Variants in PIP5K1B observed in about 807,000 individuals in gnomAD.
The protein encoded by PIP5K1B is phosphatidylinositol-4-phosphate 5-kinase type 1 beta.
PIP5K1B carries 42 observed loss-of-function variants against 67.0 expected under a neutral mutation model. The ratio of observed to expected loss-of-function variants is 0.63; its 90% CI spans 0.49 to 0.81. PIP5K1B has a LOEUF of 0.81. Among genes scored for constraint, PIP5K1B ranks in the 30% least tolerant of loss-of-function variants. PIP5K1B has a pLI of 0.00. For synonymous variants in PIP5K1B, 214 were observed against 231.4 expected, an observed-to-expected ratio of 0.92 and a Z score of 0.68; for missense variants, 459 against 646.3, an observed-to-expected ratio of 0.71 and a Z score of 3.14.
chr9:68,735,314 G>GTTTTTTTTTTTTTTTT (rs1335685051), intron 1 of PIP5K1B, among the ~76,000 whole-genome samples: 1 of 16,580 alleles, frequency 6.0e-5, no homozygotes, highest in Non-Finnish European at 1.3e-4. Flanking sequence ...TTCCCCTAGT[G>GTTTTTTTTTTTTTTTT]TCTTTTTTTT....
chr9:68,749,879 C>G (rs996630724), intron 2 of PIP5K1B, among the ~76,000 whole-genome samples: 10 of 152,176 alleles, frequency 6.6e-5, no homozygotes, highest in African/African-American at 2.4e-4. Context: ...AAACTACACC[C>G]TGTTGAGAAA....
chr9:68,801,287 AC>A (rs1452908736), intron 2 of PIP5K1B, among the ~76,000 whole-genome samples: 3 of 152,196 alleles, frequency 2.0e-5, no homozygotes, highest in African/African-American at 7.2e-5. Flanking sequence ...TTCCAGGGAT[AC>A]TTAGCGGTAT....
chr9:68,912,688 G>A (rs1701468271), intron 8 of PIP5K1B, among the ~76,000 whole-genome samples: 1 of 152,122 alleles, frequency 6.6e-6, no homozygotes, highest in African/African-American at 2.4e-5. Context: ...AGCAAGTGGG[G>A]GAGCCATGAG....
intron 1 of PIP5K1B, among the ~76,000 whole-genome samples, chr9:68,731,244 C>A (rs1042632731): frequency 1.5e-4 from 23 of 152,196 alleles, no homozygotes; most frequent in African/African-American, 4.8e-4. Flanking sequence ...AATATGATTT[C>A]TGGTATCCCT....
chr9:68,974,827 T>C (rs996130927), intron 14 of PIP5K1B, among the ~76,000 whole-genome samples: 1 of 152,246 alleles, frequency 6.6e-6, no homozygotes, highest in African/African-American at 2.4e-5. Context: ...ATATTATTTT[T>C]TCAGCAGCTT....
chr9:68,749,076 A>G (rs377728484), intron 2 of PIP5K1B, among the ~76,000 whole-genome samples: 1 of 152,214 alleles, frequency 6.6e-6, no homozygotes, highest in African/African-American at 2.4e-5. Context: ...AATGAGAATA[A>G]TAATATCTAC....
chr9:68,769,203 C>G (rs140974662), intron 2 of PIP5K1B, among the ~76,000 whole-genome samples: 1 of 152,164 alleles, frequency 6.6e-6, no homozygotes, highest in Admixed American at 6.5e-5. Context: ...TGCATTCTTT[C>G]TTTTGAATTC....
At chr9:68,898,945 T>C (rs1324088632) in intron 8 of PIP5K1B, among the ~76,000 whole-genome samples, 2 of 152,180 alleles carry the variant, frequency 1.3e-5, no homozygotes, top group Non-Finnish European at 2.9e-5. Context: ...GACTTAACAC[T>C]CTCTGGCCAA....
At chr9:68,981,322 A>T (rs1447564372) in intron 14 of PIP5K1B, among the ~76,000 whole-genome samples, 3 of 152,238 alleles carry the variant, frequency 2.0e-5, no homozygotes, top group African/African-American at 7.2e-5. Context: ...ACAGGGTAGA[A>T]GAGGGTAAAT....
chr9:68,971,715 T>C (rs1829380561), intron 14 of PIP5K1B, among the ~76,000 whole-genome samples: 1 of 152,242 alleles, frequency 6.6e-6, no homozygotes, highest in Non-Finnish European at 1.5e-5. Context: ...TATCTCATTG[T>C]GGTTTTGATT....
At chr9:68,778,798 C>A (rs565116903) in intron 2 of PIP5K1B, among the ~76,000 whole-genome samples, 7 of 152,336 alleles carry the variant, frequency 4.6e-5, no homozygotes, top group African/African-American at 1.4e-4. Context: ...CTAACACTCC[C>A]GCTCTTATGC....
chr9:68,925,690 A>G (rs1311575676), intron 12 of PIP5K1B, among the ~76,000 whole-genome samples: 9 of 152,016 alleles, frequency 5.9e-5, no homozygotes, highest in Non-Finnish European at 1.2e-4. Flanking sequence ...TGTCAAATTG[A>G]CATCACCGTA....
chr9:68,729,643 G>T (rs1288223216), intron 1 of PIP5K1B, among the ~76,000 whole-genome samples: 1 of 152,036 alleles, frequency 6.6e-6, no homozygotes, highest in Non-Finnish European at 1.5e-5. Flanking sequence ...ATGGCCAAAG[G>T]TTAGGTACTA....
chr9:68,762,865 C>T (rs1564115489), intron 2 of PIP5K1B, among the ~76,000 whole-genome samples: 1 of 152,118 alleles, frequency 6.6e-6, no homozygotes, highest in Non-Finnish European at 1.5e-5. Context: ...AGCTCCCATA[C>T]TGTACAACTC....
rs549387593 is a variant in PIP5K1B at position 68,721,106 on chromosome 9, C to T, written c.-243+15344C>T. On this transcript the variant is annotated intron_variant, in intron 1 of 15. Transcript: ENST00000265382. ...ATAAGATAGGGCTGGAGAGGTGTAT[C>T]GGGCCAGACCATCGACATCTTGTCA... 3.9e-5 allele frequency among the ~76,000 whole-genome samples: 6 copies of T among 152,186 alleles called. No individual in the cohort carries two copies. The South Asian group carries it at 1.0e-3, about 26-fold the overall frequency.
At chr9:68,847,301 T>C (rs895667772) in intron 4 of PIP5K1B, among the ~76,000 whole-genome samples, 1 of 151,374 alleles carries the variant, frequency 6.6e-6, no homozygotes, top group Non-Finnish European at 1.5e-5. Context: ...CCAGATCTTG[T>C]ATGCCACTGA....
intron 8 of PIP5K1B, among the ~76,000 whole-genome samples, chr9:68,903,538 A>G (rs960385121): frequency 4.6e-5 from 7 of 152,058 alleles, no homozygotes; most frequent in African/African-American, 1.4e-4. Flanking sequence ...CCATCCATAC[A>G]CCACAACTGT....
intron 14 of PIP5K1B, among the ~76,000 whole-genome samples, chr9:68,982,767 A>C (rs1564291265): frequency 2.6e-5 from 4 of 152,178 alleles, no homozygotes; most frequent in African/African-American, 9.7e-5. Context: ...CTCAAAAAAA[A>C]AAAAATTATA....
chr9:68,862,549 T>G (rs1823143685), intron 4 of PIP5K1B, among the ~76,000 whole-genome samples: 1 of 152,064 alleles, frequency 6.6e-6, no homozygotes, highest in Non-Finnish European at 1.5e-5. Flanking sequence ...ATCACAGCAC[T>G]TTGGGGCTGA....
Sources: allele counts gnomAD v4.1 joint callset (sites outside exome capture counted in the v4.1 genomes callset), GRCh38; gene constraint gnomAD v4.1.1; transcripts MANE v1.5; gene names NCBI Gene and HGNC (gene_info 2026-07-23, HGNC 2026-07-21).